MITF: variants seen among roughly 807,000 people sequenced by gnomAD.
The protein encoded by MITF is melanocyte inducing transcription factor.
MITF carries 17 observed loss-of-function variants against 60.5 expected under a neutral mutation model. That is an observed-to-expected ratio of 0.28 (90% CI 0.19 to 0.42). MITF has a LOEUF of 0.42. MITF is among the 10% of genes least tolerant of loss of function. The pLI is 1.00. For missense variants in MITF, 622 were observed against 683.5 expected (o/e 0.91, Z 1.00); for synonymous variants, 260 against 248.5 (o/e 1.05, Z -0.43).
chr3:69,810,236 G>A (rs1046190078), intron 1 of MITF, among the ~76,000 whole-genome samples: 11 of 152,154 alleles, frequency 7.2e-5, no homozygotes, highest in Non-Finnish European at 1.0e-4. Context: ...GACTGAGGCC[G>A]GTGTTCAGGG....
intron 1 of MITF, among the ~76,000 whole-genome samples, chr3:69,828,761 G>A (rs2063396828): frequency 6.6e-6 from 1 of 152,060 alleles, no homozygotes; most frequent in Non-Finnish European, 1.5e-5. Flanking sequence ...TTGAAGTAAG[G>A]CATAATCATG....
intron 2 of MITF, among the ~76,000 whole-genome samples, chr3:69,917,907 G>A (rs1212562372): frequency 2.0e-5 from 3 of 151,660 alleles, no homozygotes; most frequent in East Asian, 3.9e-4. Flanking sequence ...GCATGGTTGG[G>A]GACCACATTA....
At chr3:69,875,782 T>C (rs2064340678) in intron 1 of MITF, among the ~76,000 whole-genome samples, 1 of 152,212 alleles carries the variant, frequency 6.6e-6, no homozygotes, top group African/African-American at 2.4e-5. Context: ...AAGGTGATAA[T>C]TGCAGATTCA....
At chr3:69,815,006 A>C (rs2063158498) in intron 1 of MITF, among the ~76,000 whole-genome samples, 1 of 152,176 alleles carries the variant, frequency 6.6e-6, no homozygotes, top group African/African-American at 2.4e-5. Context: ...CTTTTCTGGT[A>C]AACTGGTACA....
rs76992570 is a variant in MITF, at chr3:69,758,599, G to A, written c.104+18898G>A. ...TTCTTATGTATCAATAGCCCAATCCGGTAATACTTATTTTATTATTGGTTA... is the reference window on the plus strand; with the variant it reads ...TTCTTATGTATCAATAGCCCAATCCAGTAATACTTATTTTATTATTGGTTA... On this transcript the variant is annotated intron_variant, in intron 1 of 9. Coordinates refer to ENST00000352241, the MANE Select transcript of MITF (RefSeq NM_001354604.2). 6.6e-3 allele frequency: 1,261 copies of A among 191,522 alleles called. 14 individuals carry two copies. The highest frequency in any genetic ancestry group is 0.027 in the African/African-American group (1,172 of 42,982). 11.9% of individuals were successfully genotyped at this position (191,522 alleles called of 1,614,324 possible). A position where few individuals can be genotyped will look rare whatever the true frequency, so the allele number is the denominator to read the frequency against.
intron 2 of MITF, among the ~76,000 whole-genome samples, chr3:69,895,248 A>G (rs2064848471): frequency 6.6e-6 from 1 of 152,344 alleles, no homozygotes; most frequent in South Asian, 2.1e-4. Flanking sequence ...TGTATATAAT[A>G]CTTACAGTTC....
At chr3:69,878,535 C>A (rs900215734) in intron 1 of MITF, among the ~76,000 whole-genome samples, 1 of 152,242 alleles carries the variant, frequency 6.6e-6, no homozygotes, top group Middle Eastern at 3.4e-3. Context: ...GTCTTCTGCC[C>A]CCTTACCCAA....
At chr3:69,814,085 C>A (rs904533149) in intron 1 of MITF, among the ~76,000 whole-genome samples, 3 of 151,852 alleles carry the variant, frequency 2.0e-5, no homozygotes, top group Admixed American at 6.6e-5. Flanking sequence ...TGTCACTGGG[C>A]AGCTTCTTGA....
intron 2 of MITF, among the ~76,000 whole-genome samples, chr3:69,921,235 C>CTTA (rs1426902750): frequency 3.9e-5 from 6 of 152,180 alleles, no homozygotes; most frequent in African/African-American, 1.2e-4. Context: ...ACTCCGTAAG[C>CTTA]TTATTGTAAG....
chr3:69,762,846 T>C (rs114579954), intron 1 of MITF: 1 of 223,898 alleles, frequency 4.5e-6, no homozygotes, highest in African/African-American at 2.2e-5. Context: ...CTTCTGGGAA[T>C]AGTGTCTAGA....
chr3:69,962,130 C>T (rs2066565263), intron 9 of MITF, among the ~76,000 whole-genome samples: 1 of 152,158 alleles, frequency 6.6e-6, no homozygotes, highest in African/African-American at 2.4e-5. Context: ...CTTAATCCAA[C>T]TTTATTATTC....
At chr3:69,810,298 G>A (rs888056056) in intron 1 of MITF, among the ~76,000 whole-genome samples, 4 of 152,128 alleles carry the variant, frequency 2.6e-5, no homozygotes, top group Admixed American at 1.3e-4. Flanking sequence ...TTTACAAAGC[G>A]TTGTGTCATA....
chr3:69,758,927 A>G (rs2062170057), intron 1 of MITF, among the ~76,000 whole-genome samples: 1 of 152,246 alleles, frequency 6.6e-6, no homozygotes, highest in Non-Finnish European at 1.5e-5. Context: ...TGTGAGGATT[A>G]TAGAAGATAA....
At chr3:69,800,242 A>G (rs761909870) in intron 1 of MITF, among the ~76,000 whole-genome samples, 1 of 152,046 alleles carries the variant, frequency 6.6e-6, no homozygotes, top group Non-Finnish European at 1.5e-5. Context: ...CACTTAGCAT[A>G]TTTTCAAGAT....
chr3:69,939,149 A>G lies in MITF; in HGVS notation c.634A>G (p.Met212Val). 2 of 1,614,140 alleles carry G rather than the reference A, an allele frequency of 1.2e-6. No individual in the cohort carries two copies. Among genetic ancestry groups the G allele is most frequent in the African/African-American group, 1.3e-5 (1 of 75,058 alleles). The stretch of plus-strand genomic sequence containing the variant: ...CAGGGCAGAGAGCGAGTGCCCAGGC[A>G]TGAACACACATTCACGAGCGTCCTG... The part of the protein sequence containing the change: ...QNRAESECPG[M>V]NTHSRASCMQ... The change falls in exon 4 of 10, where the codon ATG (methionine) becomes GTG (valine). Residue 212 changes from methionine (M) to valine (V), a missense_variant. By Grantham distance (21) the Met-to-Val change is conservative. Coordinates refer to ENST00000352241, the MANE Select transcript of MITF (RefSeq NM_001354604.2).
intron 1 of MITF, among the ~76,000 whole-genome samples, chr3:69,765,157 A>G (rs2062270567): frequency 6.6e-6 from 1 of 152,158 alleles, no homozygotes; most frequent in Non-Finnish European, 1.5e-5. Context: ...ATTTTTGCTT[A>G]TTTTGTGTAT....
chr3:69,804,340 C>G (rs1367606235), intron 1 of MITF, among the ~76,000 whole-genome samples: 1 of 151,316 alleles, frequency 6.6e-6, no homozygotes, highest in Non-Finnish European at 1.5e-5. Context: ...CCTTTACTCC[C>G]TCTCTTCTCT....
At chr3:69,890,908 C>T (rs924387547) in intron 2 of MITF, among the ~76,000 whole-genome samples, 4 of 152,104 alleles carry the variant, frequency 2.6e-5, no homozygotes, top group African/African-American at 7.2e-5. Context: ...TATAAAGTCA[C>T]ATTCTTGTGC....
chr3:69,880,339 G>A (rs1316447107), intron 2 of MITF, among the ~76,000 whole-genome samples: 1 of 151,984 alleles, frequency 6.6e-6, no homozygotes, highest in East Asian at 1.9e-4. Context: ...GTTATAATCA[G>A]GAATCAATCT....
Sources: allele counts gnomAD v4.1 joint callset (sites outside exome capture counted in the v4.1 genomes callset), GRCh38; gene constraint gnomAD v4.1.1; transcripts MANE v1.5; gene names NCBI Gene and HGNC (gene_info 2026-07-23, HGNC 2026-07-21).